The following IARS1 variants were observed in gnomAD, a reference collection of about 807,000 sequenced individuals.
IARS1 encodes the protein isoleucyl-tRNA synthetase 1.
Under a neutral mutation model 168.2 loss-of-function variants are expected in IARS1, and 124 were observed. The observed-to-expected ratio is 0.74, with a 90% CI of 0.64 to 0.86. IARS1 has a LOEUF of 0.86. IARS1 is among the 40% of genes least tolerant of loss of function. The pLI is 0.00. For synonymous variants in IARS1, 532 were observed against 529.4 expected, an observed-to-expected ratio of 1.00 and a Z score of -0.07; for missense variants, 1,452 against 1,515.8, an observed-to-expected ratio of 0.96 and a Z score of 0.70.
chr9:92,277,891 T>C lies in IARS1; in HGVS notation c.866A>G (p.Tyr289Cys). The C allele has an allele frequency of 6.2e-7, 1 of 1,613,934 alleles. No homozygotes were observed. The highest frequency in any genetic ancestry group is 1.1e-5 in the South Asian group (1 of 91,054). Residue 289 changes from tyrosine to cysteine, a missense_variant, in exon 9 of 34, where the codon TAC becomes TGC. Physicochemically the swap from Tyr to Cys is radical, Grantham distance 194. Transcript: ENST00000443024. Reference sequence around the variant, plus strand: ...CAGGAAATAGTCAAACAGGGGCCTGTACTTCTTGCCTTTAAGATAGGCACC... The same window carrying C: ...CAGGAAATAGTCAAACAGGGGCCTGCACTTCTTGCCTTTAAGATAGGCACC... ...FPGAYLKGKK[Y>C]RPLFDYFLKC...
At chr9:92,232,417 T>C (rs1564161847) in intron 30 of IARS1, among the ~76,000 whole-genome samples, 1 of 152,290 alleles carries the variant, frequency 6.6e-6, no homozygotes, top group East Asian at 1.9e-4. Flanking sequence ...ATAAGAGAAA[T>C]GATTCTGTAT....
At chr9:92,293,497 C>G (rs1434050956) in intron 1 of IARS1, 114 bp downstream of exon 1, 1 of 527,720 alleles carries the variant, frequency 1.9e-6, no homozygotes, top group African/African-American at 2.0e-5. Flanking sequence ...AACGGCAAGC[C>G]CCGAAGAAAC....
intron 6 of IARS1, among the ~76,000 whole-genome samples, chr9:92,283,874 T>C (rs1835027255): frequency 6.6e-6 from 1 of 152,104 alleles, no homozygotes; most frequent in Admixed American, 6.5e-5. Flanking sequence ...AATTTGAGAA[T>C]ATTAAAATAA....
At chr9:92,241,003 G>T in intron 29 of IARS1, 42 bp from the exon 30 acceptor site, 1 of 1,138,672 alleles carries the variant, frequency 8.8e-7, no homozygotes, top group South Asian at 1.2e-5. Flanking sequence ...TGTGGCACCT[G>T]ACTGCAATGT....
At chr9:92,225,406 G>A (rs1400264470) in intron 31 of IARS1, among the ~76,000 whole-genome samples, 5 of 151,908 alleles carry the variant, frequency 3.3e-5, no homozygotes, top group Admixed American at 1.3e-4. Context: ...ATATTTTAAC[G>A]GGTTAACCTT....
In IARS1 at chr9:92,263,028, C is replaced by T. The variant is rs144191374; in HGVS notation, c.1728G>A (p.Thr576=). 108 of 1,613,832 alleles carry T rather than the reference C, an allele frequency of 6.7e-5. No homozygotes were observed. The highest frequency in any genetic ancestry group is 4.9e-4 in the Middle Eastern group (3 of 6,082). ...TGAAAGGCGGTTGTCCAAAGAGGGCCGTGGCCAGCACCAGCAGGGTATAAA... is the reference window on the plus strand; with the variant it reads ...TGAAAGGCGGTTGTCCAAAGAGGGCTGTGGCCAGCACCAGCAGGGTATAAA... ...GWFYTLLVLA[T]ALFGQPPFKN... is the part of the protein sequence containing the mutation. The change falls in exon 17 of 34, where the codon ACG becomes ACA. Residue 576 remains threonine (T), a synonymous_variant. Transcript: ENST00000443024.
intron 19 of IARS1, 51 bp from the exon 20 acceptor site, chr9:92,256,851 T>C (rs1327822600): frequency 6.5e-7 from 1 of 1,549,466 alleles, no homozygotes; most frequent in African/African-American, 1.4e-5. Context: ...AGAAAGTTAC[T>C]ATGAGGAAAT....
At chr9:92,214,525 A>C in intron 33 of IARS1, among the ~76,000 whole-genome samples, 1 of 152,194 alleles carries the variant, frequency 6.6e-6, no homozygotes, top group Non-Finnish European at 1.5e-5. Context: ...TCATCTCACT[A>C]GGGAGTGCCA....
At chr9:92,272,873 A>C (rs1187442948) in intron 10 of IARS1, among the ~76,000 whole-genome samples, 131 of 150,922 alleles carry the variant, frequency 8.7e-4, no homozygotes, top group African/African-American at 2.2e-3. Context: ...ACAAAAAAAA[A>C]AAAAAAAAAA....
chr9:92,237,361 AT>A (rs1272675586), intron 30 of IARS1, among the ~76,000 whole-genome samples: 1 of 152,082 alleles, frequency 6.6e-6, no homozygotes, highest in Non-Finnish European at 1.5e-5. Flanking sequence ...TATATTACTA[AT>A]TAATAGTTTG....
chr9:92,257,706 G>A (rs1025460687), intron 19 of IARS1, among the ~76,000 whole-genome samples: 4 of 152,222 alleles, frequency 2.6e-5, no homozygotes, highest in Non-Finnish European at 5.9e-5. Flanking sequence ...TGACCTGCCT[G>A]CTGGAGTGGG....
chr9:92,263,567 T>TG (rs1831842080), intron 16 of IARS1, among the ~76,000 whole-genome samples: 1 of 152,252 alleles, frequency 6.6e-6, no homozygotes, highest in African/African-American at 2.4e-5. Context: ...ACCACTGTCC[T>TG]GGGGGTGATG....
Position 92,223,349 on chromosome 9 carries a change from GT to G in IARS1, c.3549del (p.Gln1184LysfsTer4). 1 of 1,611,240 alleles carries G rather than the reference GT, an allele frequency of 6.2e-7. No individual in the cohort carries two copies. The highest frequency in any genetic ancestry group is 2.2e-5 in the East Asian group (1 of 44,850). Reference protein sequence around the residue: ...YINLQLLNAKPQECLMGTVGT... With the variant: ...YINLQLLNAKXQECLMGTVGT... The stretch of plus-strand genomic sequence containing the variant: ...CCTGCTGTGGGGAGGCACATACCTT[GT>G]GGCTTTGCATTCAGGAGCTGTAGGT... On this transcript the variant is annotated frameshift_variant, in exon 32 of 34. Transcript: ENST00000443024. LOFTEE classifies it high-confidence loss of function.
At chr9:92,270,922 A>G in intron 12 of IARS1, 63 bp downstream of exon 12, 1 of 1,119,932 alleles carries the variant, frequency 8.9e-7, no homozygotes, top group Non-Finnish European at 1.3e-6. Context: ...GAATGGGCAC[A>G]TATAGTAAGT....
intron 20 of IARS1, among the ~76,000 whole-genome samples, chr9:92,256,198 T>A (rs1452963899): frequency 6.6e-6 from 1 of 151,306 alleles, no homozygotes; most frequent in Non-Finnish European, 1.5e-5. Context: ...TTTTTTTTTT[T>A]AAGATGGAGT....
chr9:92,235,514 T>C, intron 30 of IARS1, among the ~76,000 whole-genome samples: 1 of 62,048 alleles, frequency 1.6e-5, no homozygotes, highest in South Asian at 6.4e-4. Flanking sequence ...ATTACATTGA[T>C]TTTTTTTTTT....
At chr9:92,222,455 T>C (rs1470252432) in intron 33 of IARS1, 65 bp downstream of exon 33, 111 of 1,367,604 alleles carry the variant, frequency 8.1e-5, no homozygotes, top group Non-Finnish European at 1.6e-5. Context: ...ATGCTACAAA[T>C]GGTTAATGGC....
intron 31 of IARS1, among the ~76,000 whole-genome samples, chr9:92,226,424 T>C (rs938349924): frequency 4.6e-5 from 7 of 152,224 alleles, no homozygotes; most frequent in Non-Finnish European, 7.3e-5. Context: ...GATGCACCAG[T>C]TGTTCCTTAG....
chr9:92,265,683 G>A, intron 14 of IARS1, 130 bp from the exon 15 acceptor site: 1 of 750,070 alleles, frequency 1.3e-6, no homozygotes, highest in South Asian at 1.6e-5. Context: ...TTGAGATAGG[G>A]TCTCACTACC....
Sources: allele counts gnomAD v4.1 joint callset (sites outside exome capture counted in the v4.1 genomes callset), GRCh38; gene constraint gnomAD v4.1.1; transcripts MANE v1.5; gene names NCBI Gene and HGNC (gene_info 2026-07-23, HGNC 2026-07-21).